The following STRIP2 variants were observed in gnomAD, a reference collection of about 807,000 sequenced individuals.
STRIP2 encodes striatin-interacting protein 2.
STRIP2 carries 84 observed loss-of-function variants against 107.1 expected under a neutral mutation model. The ratio of observed to expected loss-of-function variants is 0.78; its 90% CI spans 0.66 to 0.94. STRIP2 has a LOEUF of 0.94. Ranked by LOEUF, STRIP2 falls within the 40% of genes least tolerant of loss-of-function variation. The pLI is 0.00. For synonymous variants in STRIP2, 394 were observed against 400.4 expected, an observed-to-expected ratio of 0.98 and a Z score of 0.19; for missense variants, 888 against 1,034.2, an observed-to-expected ratio of 0.86 and a Z score of 1.94.
intron 19 of STRIP2, among the ~76,000 whole-genome samples, chr7:129,481,787 T>C (rs1351265028): frequency 2.0e-5 from 3 of 151,792 alleles, no homozygotes; most frequent in Non-Finnish European, 4.4e-5. Flanking sequence ...TGTACTGATA[T>C]GGAATGGTTT....
In STRIP2 at chr7:129,483,473, T is replaced by C. The variant is rs1195558320; in HGVS notation, c.2254+427T>C. 2 of 324,324 alleles carry C rather than the reference T, an allele frequency of 6.2e-6. No individual in the cohort carries two copies. Among genetic ancestry groups the C allele is most frequent in the Non-Finnish European group, 9.0e-6 (2 of 222,902 alleles). The allele number at this position is 324,324 out of a possible 1,614,324, so 20.1% of individuals were successfully genotyped here. ...GAAATTGCCACCATTAACATCTTAT[T>C]GTATATTCCTCCAGATCTTTTTCTA... On this transcript the variant is annotated intron_variant, in intron 20 of 20. Transcript: ENST00000249344. The surrounding 1 kb of genome is among the most constrained non-coding windows in gnomAD (Gnocchi z 5.1).
At chr7:129,456,411 C>G in intron 8 of STRIP2, 28 bp from the exon 9 acceptor site, 1 of 1,607,174 alleles carries the variant, frequency 6.2e-7, no homozygotes, top group Non-Finnish European at 8.5e-7. Context: ...CTTCCTCTCT[C>G]TCTGCCCCTT....
Position 129,454,498 on chromosome 7 carries a change from C to T in STRIP2, c.677C>T (p.Thr226Ile). ...GAGACAGACCCCTGTGGGTGGAGAA[C>T]AGCCCGGGAGACCTTCCGCACTGAA... ...ERETDPCGWRTARETFRTELS... is the reference protein window; with the variant it reads ...ERETDPCGWRIARETFRTELS... The change falls in exon 7 of 21, where the codon ACA becomes ATA. Residue 226 changes from threonine (T) to isoleucine (I), a missense_variant. Thr to Ile is a moderately conservative substitution (Grantham distance 89). Transcript: ENST00000249344. The T allele has an allele frequency of 1.2e-6, 2 of 1,614,004 alleles. No homozygotes were observed. Among genetic ancestry groups the T allele is most frequent in the Non-Finnish European group, 1.7e-6 (2 of 1,179,842 alleles).
chr7:129,451,568 G>C (rs751063437), intron 3 of STRIP2, 45 bp from the exon 4 acceptor site: 1 of 1,608,578 alleles, frequency 6.2e-7, no homozygotes, highest in South Asian at 1.1e-5. Context: ...TTCCAGGAAG[G>C]GTGGCAATAG....
intron 3 of STRIP2, among the ~76,000 whole-genome samples, chr7:129,450,245 A>G (rs1040665032): frequency 2.6e-5 from 4 of 152,184 alleles, no homozygotes; most frequent in Middle Eastern, 3.2e-3. Context: ...TGTATTAGTC[A>G]GGGTTCTCTT....
chr7:129,482,499 T>A (rs753690294), intron 19 of STRIP2, among the ~76,000 whole-genome samples: 2 of 150,832 alleles, frequency 1.3e-5, no homozygotes, highest in Admixed American at 1.3e-4. Flanking sequence ...TGCCTCAGCC[T>A]CCTTAGTAGC....
In STRIP2 at chr7:129,486,018, GC is replaced by G; in HGVS notation, c.*192del. 1 of 601,990 alleles carries G rather than the reference GC, an allele frequency of 1.7e-6. No homozygotes were observed. Among genetic ancestry groups the G allele is most frequent in the Middle Eastern group, 4.5e-4 (1 of 2,202 alleles). 37.3% of individuals were successfully genotyped at this position (601,990 alleles called of 1,614,324 possible). Reference sequence around the variant, plus strand: ...CAACTTGCCCTGGGGTCAGTTGGGTGCCCAGTTGGCCTTGGAAATCTTTTGG... The same window carrying G: ...CAACTTGCCCTGGGGTCAGTTGGGTGCCAGTTGGCCTTGGAAATCTTTTGG... On this transcript the variant is annotated 3_prime_UTR_variant, in exon 21 of 21. Coordinates refer to ENST00000249344, the MANE Select transcript of STRIP2 (RefSeq NM_020704.3).
chr7:129,448,650 C>A (rs1245255620), intron 3 of STRIP2, among the ~76,000 whole-genome samples: 1 of 152,208 alleles, frequency 6.6e-6, no homozygotes, highest in Non-Finnish European at 1.5e-5. Flanking sequence ...GCCAATGCCA[C>A]AGCTCTACAT....
intron 1 of STRIP2, among the ~76,000 whole-genome samples, chr7:129,434,923 G>T (rs996631909): frequency 6.6e-6 from 1 of 152,238 alleles, no homozygotes. Flanking sequence ...CAGAAATTCC[G>T]ATCCCAGTTT....
At chr7:129,476,700 C>T (rs1328923197) in intron 18 of STRIP2, among the ~76,000 whole-genome samples, 3 of 150,754 alleles carry the variant, frequency 2.0e-5, no homozygotes, top group East Asian at 2.0e-4. Context: ...ACTGGGCAGC[C>T]GGGCAGAGGG....
In STRIP2 at chr7:129,458,415, T is replaced by G; in HGVS notation, c.1239T>G (p.Ala413=). The G allele has an allele frequency of 1.9e-6, 3 of 1,609,300 alleles. No individual in the cohort carries two copies. Among genetic ancestry groups the G allele is most frequent in the Non-Finnish European group, 2.5e-6 (3 of 1,177,918 alleles). Residue 413 remains alanine, a synonymous_variant, in exon 10 of 21, where the codon GCT becomes GCG. Transcript: ENST00000249344. The surrounding 1 kb of genome is among the most constrained non-coding windows in gnomAD (Gnocchi z 4.6). ...CACCCCTCTCTGCTGAGCGGGTGGC[T>G]TTTCCCAAGGGCCTGCCCTGGGCCC... ...SQAPLSAERV[A]FPKGLPWAPK... is the part of the protein sequence containing the mutation.
intron 17 of STRIP2, among the ~76,000 whole-genome samples, chr7:129,469,580 C>A (rs552748138): frequency 1.3e-5 from 2 of 152,238 alleles, no homozygotes; most frequent in African/African-American, 4.8e-5. Flanking sequence ...GAACTGGCAA[C>A]CCTGGGAAAA....
intron 3 of STRIP2, among the ~76,000 whole-genome samples, chr7:129,447,832 G>A (rs1301488273): frequency 3.9e-5 from 6 of 152,218 alleles, no homozygotes; most frequent in African/African-American, 7.2e-5. Context: ...TTAAGCTTAC[G>A]ATAATCCACT....
In STRIP2 at chr7:129,458,270, A is replaced by G. The variant is rs760732721; in HGVS notation, c.1094A>G (p.Lys365Arg). The G allele has an allele frequency of 6.2e-7, 1 of 1,614,188 alleles. No homozygotes were observed. The highest frequency in any genetic ancestry group is 1.1e-5 in the South Asian group (1 of 91,082). ...ATCTACAATGAAAGGGATCTCTTCA[A>G]GACTGAGGAGCCCGCCACAGAGGAG... ...LDIYNERDLF[K>R]TEEPATEEEE... The change falls in exon 10 of 21, where the codon AAG (lysine) becomes AGG (arginine). Residue 365 changes from lysine (K) to arginine (R), a missense_variant. Coordinates refer to ENST00000249344, the MANE Select transcript of STRIP2 (RefSeq NM_020704.3). This position sits in a 1 kb window ranked among gnomAD's most constrained non-coding sequence, Gnocchi z 4.6.
intron 20 of STRIP2, chr7:129,484,761 C>A (rs1227258133): frequency 6.6e-6 from 1 of 152,154 alleles, no homozygotes; most frequent in Non-Finnish European, 1.5e-5. Flanking sequence ...CTATTAAATT[C>A]TTGTAAATTT....
Position 129,458,282 on chromosome 7 carries a change from C to T in STRIP2, c.1106C>T (p.Pro369Leu), listed in dbSNP as rs1341254695. The change falls in exon 10 of 21, where the codon CCC (proline) becomes CTC (leucine). Residue 369 changes from proline (P) to leucine (L), a missense_variant. Coordinates refer to ENST00000249344, the MANE Select transcript of STRIP2 (RefSeq NM_020704.3). The surrounding 1 kb of genome is among the most constrained non-coding windows in gnomAD (Gnocchi z 4.6). ...AGGGATCTCTTCAAGACTGAGGAGC[C>T]CGCCACAGAGGAGGAAGAGGAGTCT... ...NERDLFKTEE[P>L]ATEEEEESAG... 3.1e-6 allele frequency: 5 copies of T among 1,614,182 alleles called. No homozygotes were observed. Among genetic ancestry groups the T allele is most frequent in the Non-Finnish European group, 4.2e-6 (5 of 1,180,038 alleles).
intron 9 of STRIP2, among the ~76,000 whole-genome samples, chr7:129,457,067 A>G (rs921115668): frequency 6.6e-6 from 1 of 152,032 alleles, no homozygotes; most frequent in Non-Finnish European, 1.5e-5. Context: ...AGCCAGCCAC[A>G]CTCTTAACTG....
chr7:129,473,509 G>A (rs949716926), intron 18 of STRIP2, among the ~76,000 whole-genome samples: 1 of 151,794 alleles, frequency 6.6e-6, no homozygotes, highest in African/African-American at 2.4e-5. Flanking sequence ...GTGTAGGTGG[G>A]ACCACAGACA....
rs1392749606 is a variant in STRIP2, at chr7:129,485,814, G to A, written c.2490G>A (p.Leu830=). The A allele has an allele frequency of 1.9e-6, 3 of 1,613,976 alleles. No individual in the cohort carries two copies. In the East Asian group the frequency reaches 6.7e-5, roughly 36 times the overall value. ...VFSQPICWEE[L]LQNH ...CACAGCCCATCTGTTGGGAGGAGCT[G>A]CTCCAGAATCACTGACTAAGTTCTT... Residue 830 remains leucine, a synonymous_variant, in exon 21 of 21, where the codon CTG becomes CTA. Coordinates refer to ENST00000249344, the MANE Select transcript of STRIP2 (RefSeq NM_020704.3).
Sources: gnomAD v4.1 joint callset for allele counts (sites outside exome capture counted in the v4.1 genomes callset) on GRCh38, gnomAD v4.1.1 for gene constraint, Gnocchi (gnomAD v3.1) non-coding constraint, MANE v1.5 for transcripts, NCBI Gene and HGNC (gene_info 2026-07-23, HGNC 2026-07-21) for gene names.